Variants in GAS7 observed in about 807,000 individuals in gnomAD.
The protein encoded by GAS7 is growth arrest specific 7, also known as growth arrest-specific protein 7.
Under a neutral mutation model 71.1 loss-of-function variants are expected in GAS7, and 28 were observed. The observed-to-expected ratio is 0.39, with a 90% CI of 0.29 to 0.54. GAS7 has a LOEUF of 0.54. GAS7 is among the 20% of genes least tolerant of loss of function. GAS7 has a pLI of 0.62. For missense variants in GAS7, 436 were observed against 627.8 expected, an observed-to-expected ratio of 0.69 and a Z score of 3.27; for synonymous variants, 258 against 245.8, an observed-to-expected ratio of 1.05 and a Z score of -0.46.
chr17:10,169,113 A>G (rs944746081), intron 1 of GAS7, among the ~76,000 whole-genome samples: 2 of 151,862 alleles, frequency 1.3e-5, no homozygotes, highest in African/African-American at 2.4e-5. Context: ...TGTCTCTACT[A>G]AAAATACAAA....
chr17:9,955,615 G>A (rs981688075), intron 5 of GAS7, among the ~76,000 whole-genome samples: 1 of 152,160 alleles, frequency 6.6e-6, no homozygotes, highest in Admixed American at 6.5e-5. Flanking sequence ...CACGCAAGCC[G>A]GCTTCAGTCT....
At chr17:10,131,891 TG>T (rs1178800772) in intron 1 of GAS7, among the ~76,000 whole-genome samples, 8 of 152,098 alleles carry the variant, frequency 5.3e-5, no homozygotes, top group African/African-American at 1.9e-4. Flanking sequence ...CATGAATGCA[TG>T]AAAACATGTA....
chr17:9,962,498 C>G (rs1466061786), intron 4 of GAS7, among the ~76,000 whole-genome samples: 1 of 152,152 alleles, frequency 6.6e-6, no homozygotes, highest in African/African-American at 2.4e-5. Context: ...AAAGGGCTAC[C>G]ACAGGCCAAA....
Position 9,912,724 on chromosome 17 carries a change from G to A in GAS7, c.*4504C>T, listed in dbSNP as rs1212268807. The A allele has an allele frequency of 8.6e-6, 2 of 232,782 alleles. No individual in the cohort carries two copies. Among genetic ancestry groups the A allele is most frequent in the African/African-American group, 4.4e-5 (2 of 45,338 alleles). The allele number at this position is 232,782 out of a possible 1,614,324, so 14.4% of individuals were successfully genotyped here. ...CAGCTTGTGGGCACAGCTGGCATTT[G>A]GAGGAGGAGCCTGGGGAACTGAAGG... On this transcript the variant is annotated 3_prime_UTR_variant, in exon 14 of 14. Coordinates refer to ENST00000432992, the MANE Select transcript of GAS7 (RefSeq NM_201433.2).
intron 1 of GAS7, among the ~76,000 whole-genome samples, chr17:10,084,373 C>T (rs2073492699): frequency 6.6e-6 from 1 of 152,150 alleles, no homozygotes. Context: ...TCAGCTGGTC[C>T]TGGCGTCTCT....
chr17:10,084,496 C>T (rs1009056154), intron 1 of GAS7, among the ~76,000 whole-genome samples: 1 of 152,092 alleles, frequency 6.6e-6, no homozygotes, highest in African/African-American at 2.4e-5. Flanking sequence ...GACAAAGTCT[C>T]GCTCTTGTCC....
intron 9 of GAS7, among the ~76,000 whole-genome samples, chr17:9,930,000 G>T (rs1301723478): frequency 1.3e-5 from 2 of 152,142 alleles, no homozygotes; most frequent in South Asian, 4.1e-4. Flanking sequence ...CATCAGAAGA[G>T]AATAAGAGAA....
At chr17:10,116,498 C>A (rs1008164050) in intron 1 of GAS7, among the ~76,000 whole-genome samples, 6 of 152,010 alleles carry the variant, frequency 3.9e-5, no homozygotes, top group Non-Finnish European at 7.4e-5. Flanking sequence ...TGCAACTGGC[C>A]GGGCTGCTCA....
In GAS7 at chr17:10,039,545, T is replaced by C. The variant is rs556855972; in HGVS notation, c.184-19648A>G. Among the ~76,000 whole-genome samples the C allele has an allele frequency of 4.6e-5, 7 of 152,128 alleles. No individual in the cohort carries two copies. The South Asian group carries it at 1.2e-3, about 27-fold the overall frequency. On this transcript the variant is annotated intron_variant, in intron 1 of 13. Coordinates refer to ENST00000432992, the MANE Select transcript of GAS7 (RefSeq NM_201433.2). Reference sequence around the variant, plus strand: ...AAAAATACAAAAAATTGGCTAGGCATGGTGGCGGGCGCCTGTAATCCCAGC... The same window carrying C: ...AAAAATACAAAAAATTGGCTAGGCACGGTGGCGGGCGCCTGTAATCCCAGC...
chr17:9,985,878 C>T (rs1248681601), intron 2 of GAS7, among the ~76,000 whole-genome samples: 18 of 152,252 alleles, frequency 1.2e-4, no homozygotes, highest in Non-Finnish European at 2.9e-5. Flanking sequence ...TGCTTCCTTC[C>T]TTCCCCGGGG....
intron 1 of GAS7, among the ~76,000 whole-genome samples, chr17:10,128,018 G>A (rs1567603015): frequency 6.6e-6 from 1 of 152,196 alleles, no homozygotes; most frequent in Admixed American, 6.5e-5. Flanking sequence ...CCGAGGGGAG[G>A]CAGCACCGGC....
intron 1 of GAS7, among the ~76,000 whole-genome samples, chr17:10,160,359 T>C (rs958493583): frequency 5.3e-5 from 8 of 152,372 alleles, no homozygotes; most frequent in African/African-American, 1.9e-4. Context: ...CTATTTCTAC[T>C]GCCCATTTAA....
intron 1 of GAS7, chr17:10,036,485 T>C (rs2152224626): frequency 6.2e-7 from 1 of 1,613,610 alleles, no homozygotes; most frequent in Middle Eastern, 1.6e-4. Context: ...GAGGAGAGTC[T>C]TGGGTCCTGC....
At chr17:10,157,285 C>A (rs946563694) in intron 1 of GAS7, among the ~76,000 whole-genome samples, 1 of 151,928 alleles carries the variant, frequency 6.6e-6, no homozygotes, top group African/African-American at 2.4e-5. Context: ...TTGGAGCTGA[C>A]GAGGGGAATA....
chr17:10,198,201 C>T lies in GAS7; in HGVS notation c.183+7G>A, dbSNP rs778091224. On this transcript the variant is annotated splice_region_variant and intron_variant, in intron 1 of 13. Coordinates refer to ENST00000432992, the MANE Select transcript of GAS7 (RefSeq NM_201433.2). The stretch of plus-strand genomic sequence containing the variant: ...CGGCTCCTACAGCCCCGGCCCTCGC[C>T]CCTTACCTCCAGCAACTGCACGTAG... The T allele has an allele frequency of 1.1e-4, 169 of 1,607,174 alleles. No individual in the cohort carries two copies. Among genetic ancestry groups the T allele is most frequent in the Non-Finnish European group, 1.3e-4 (155 of 1,179,044 alleles).
intron 1 of GAS7, among the ~76,000 whole-genome samples, chr17:10,067,183 A>G (rs1202394081): frequency 6.6e-6 from 1 of 152,102 alleles, no homozygotes; most frequent in Non-Finnish European, 1.5e-5. Context: ...AGCCCACCAC[A>G]GCAGAGGCTC....
At chr17:10,102,670 A>G (rs1239792149) in intron 1 of GAS7, among the ~76,000 whole-genome samples, 1 of 151,872 alleles carries the variant, frequency 6.6e-6, no homozygotes, top group Non-Finnish European at 1.5e-5. Flanking sequence ...ACCAGAGGAG[A>G]TTTTTTAAAG....
At chr17:10,112,809 G>A (rs2073826816) in intron 1 of GAS7, among the ~76,000 whole-genome samples, 2 of 144,868 alleles carry the variant, frequency 1.4e-5, no homozygotes, top group African/African-American at 2.6e-5. Flanking sequence ...AGAAAAGAGA[G>A]AGAAAAGGAA....
At chr17:9,951,345 G>C (rs971856259) in intron 5 of GAS7, among the ~76,000 whole-genome samples, 5 of 152,244 alleles carry the variant, frequency 3.3e-5, no homozygotes, top group African/African-American at 9.6e-5. Flanking sequence ...TCAGAGGCGG[G>C]TCTGAATGCT....
Sources: allele counts gnomAD v4.1 joint callset (sites outside exome capture counted in the v4.1 genomes callset), GRCh38; gene constraint gnomAD v4.1.1; transcripts MANE v1.5; gene names NCBI Gene and HGNC (gene_info 2026-07-23, HGNC 2026-07-21).